Variants in SYNPO observed in about 807,000 individuals in gnomAD.
SYNPO encodes the protein synaptopodin.
A neutral mutation model predicts 49.5 loss-of-function variants in SYNPO; 19 were observed. The ratio of observed to expected loss-of-function variants is 0.38; its 90% CI spans 0.27 to 0.56. The LOEUF (loss-of-function observed/expected upper bound fraction) is 0.56. SYNPO is among the 20% of genes least tolerant of loss of function. The probability of loss-of-function intolerance (pLI) is 0.68; values close to 1 mark genes in which losing one functional copy is unlikely to be tolerated. For synonymous variants in SYNPO, 536 were observed against 548.0 expected (o/e 0.98, Z 0.31); for missense variants, 1,131 against 1,248.3 (o/e 0.91, Z 1.42).
In SYNPO at chr5:150,623,185, G is replaced by T. The variant is rs1045407265; in HGVS notation, c.400+4418G>T. Among the ~76,000 whole-genome samples, 5 of 152,150 alleles carry T rather than the reference G, an allele frequency of 3.3e-5. No individual in the cohort carries two copies. The East Asian group carries it at 7.7e-4, about 23-fold the overall frequency. ...CACATATTCCCTCTCATAGATACAG[G>T]TGAAAAGCATGTTCTTTTCTCCATT... On this transcript the variant is annotated intron_variant, in intron 2 of 2. Coordinates refer to the SYNPO transcript ENST00000394243.
intron 1 of SYNPO, among the ~76,000 whole-genome samples, chr5:150,607,033 G>C (rs960584795): frequency 7.9e-5 from 12 of 151,968 alleles, no homozygotes; most frequent in Non-Finnish European, 1.2e-4. Flanking sequence ...TCCTACATTG[G>C]GGGGAGGGGG....
intron 1 of SYNPO, among the ~76,000 whole-genome samples, chr5:150,601,976 ACCACTGTAG>A (rs564767677): frequency 2.5e-3 from 388 of 152,314 alleles, no homozygotes; most frequent in African/African-American, 7.7e-3. Context: ...GCTCGGCATC[ACCACTGTAG>A]CCCTGGCAGG....
At chr5:150,652,029 A>G (rs1758405923) in intron 2 of SYNPO, 3 of 1,000,456 alleles carry the variant, frequency 3.0e-6, no homozygotes, top group Non-Finnish European at 3.6e-6. Flanking sequence ...GGCAGTGCCC[A>G]TGCTGGGCTG....
chr5:150,642,431 A>C (rs964185886), intron 1 of SYNPO, among the ~76,000 whole-genome samples: 1 of 152,214 alleles, frequency 6.6e-6, no homozygotes, highest in Non-Finnish European at 1.5e-5. Flanking sequence ...CGGTGGGGAC[A>C]TCATGACTTG....
upstream of SYNPO, among the ~76,000 whole-genome samples, chr5:150,638,049 A>G (rs953902620): frequency 2.0e-5 from 3 of 151,642 alleles, no homozygotes; most frequent in African/African-American, 7.3e-5. Flanking sequence ...TCCTCTATCA[A>G]AGTTTCCTTT....
intron 1 of SYNPO, among the ~76,000 whole-genome samples, chr5:150,612,172 C>A (rs1466422931): frequency 6.6e-6 from 1 of 152,182 alleles, no homozygotes; most frequent in Non-Finnish European, 1.5e-5. Flanking sequence ...TCTGGATAGA[C>A]CAGACAGTTC....
At chr5:150,623,910 G>A (rs538243787) in intron 2 of SYNPO, among the ~76,000 whole-genome samples, 36 of 152,340 alleles carry the variant, frequency 2.4e-4, no homozygotes, top group African/African-American at 8.4e-4. Context: ...CAAAATTGCT[G>A]GGGCTGTGGA....
chr5:150,597,830 G>T (rs1163238501), upstream of SYNPO, among the ~76,000 whole-genome samples: 1 of 152,056 alleles, frequency 6.6e-6, no homozygotes, highest in East Asian at 1.9e-4. Flanking sequence ...TAGAGACAGG[G>T]TTTCACCATC....
At chr5:150,627,962 G>A (rs1430353999) in intron 2 of SYNPO, among the ~76,000 whole-genome samples, 1 of 151,964 alleles carries the variant, frequency 6.6e-6, no homozygotes, top group Non-Finnish European at 1.5e-5. Context: ...CAGAGGGGCG[G>A]CTGGGCCTGC....
At chr5:150,639,175 G>T (rs1238682057), upstream of SYNPO, among the ~76,000 whole-genome samples, 1 of 152,242 alleles carries the variant, frequency 6.6e-6, no homozygotes, top group Non-Finnish European at 1.5e-5. Context: ...AGGGCTTGTG[G>T]TCTGCAAGGA....
intron 2 of SYNPO, chr5:150,651,092 T>A (rs1218078929): frequency 1.8e-6 from 2 of 1,118,470 alleles, no homozygotes; most frequent in Non-Finnish European, 2.2e-6. Context: ...GCTCTAGGGG[T>A]GGGGGACGTC....
At chr5:150,652,579 G>A (rs1054599959) in intron 2 of SYNPO, 5 of 225,448 alleles carry the variant, frequency 2.2e-5, no homozygotes, top group Non-Finnish European at 3.7e-5. Flanking sequence ...TGTGCAAATC[G>A]CAACCTTTTG....
chr5:150,616,355 G>C (rs1424778125), intron 1 of SYNPO, among the ~76,000 whole-genome samples: 1 of 152,204 alleles, frequency 6.6e-6, no homozygotes, highest in Non-Finnish European at 1.5e-5. Flanking sequence ...TTTTGCAGTA[G>C]GATAAGTGAG....
intron 2 of SYNPO, chr5:150,650,525 C>T (rs1758336673): frequency 5.4e-6 from 8 of 1,474,416 alleles, no homozygotes; most frequent in East Asian, 2.5e-5. Context: ...GAAGCCGCCC[C>T]TCCCCTACTA....
intron 1 of SYNPO, among the ~76,000 whole-genome samples, chr5:150,602,997 G>GGGGGGTGTGTGTGT (rs1554106602): frequency 3.0e-5 from 4 of 131,184 alleles, no homozygotes; most frequent in African/African-American, 8.9e-5. Flanking sequence ...GCCACCTTAG[G>GGGGGGTGTGTGTGT]GTGTGTGTGT....
chr5:150,638,974 T>G (rs1757804807), upstream of SYNPO, among the ~76,000 whole-genome samples: 1 of 152,214 alleles, frequency 6.6e-6, no homozygotes, highest in African/African-American at 2.4e-5. Flanking sequence ...TGTGATCCTG[T>G]GATCCTCTCT....
At chr5:150,651,193 T>C in intron 2 of SYNPO, 1 of 1,011,406 alleles carries the variant, frequency 9.9e-7, no homozygotes, top group Non-Finnish European at 1.2e-6. Context: ...CATGTATCCA[T>C]TGGCTGTTTT....
At chr5:150,633,741 T>C (rs1757615865) in intron 2 of SYNPO, among the ~76,000 whole-genome samples, 1 of 152,244 alleles carries the variant, frequency 6.6e-6, no homozygotes, top group Non-Finnish European at 1.5e-5. Flanking sequence ...CAATCCTTGC[T>C]CTGTCTCTAT....
chr5:150,647,308 A>G (rs2151420121), intron 1 of SYNPO, among the ~76,000 whole-genome samples: 1 of 152,082 alleles, frequency 6.6e-6, no homozygotes, highest in South Asian at 2.1e-4. Flanking sequence ...AGGTGAGGAG[A>G]CAGATAATAG....
Sources: gnomAD v4.1 joint callset for allele counts (sites outside exome capture counted in the v4.1 genomes callset) on GRCh38, gnomAD v4.1.1 for gene constraint, MANE v1.5 for transcripts, NCBI Gene and HGNC (gene_info 2026-07-23, HGNC 2026-07-21) for gene names.